Variants in AUTS2 observed in about 807,000 individuals in gnomAD.
The protein encoded by AUTS2 is autism susceptibility gene 2 protein.
Under a neutral mutation model 112.4 loss-of-function variants are expected in AUTS2, and 17 were observed. The ratio of observed to expected loss-of-function variants is 0.15; its 90% CI spans 0.10 to 0.23. The LOEUF (loss-of-function observed/expected upper bound fraction) is 0.23, where lower values mean the gene tolerates loss of function less well. Ranked by LOEUF, AUTS2 falls within the 10% of genes least tolerant of loss-of-function variation. The pLI, the probability that AUTS2 is intolerant of heterozygous loss-of-function variation, is 1.00. For synonymous variants in AUTS2, 751 were observed against 702.7 expected (o/e 1.07, Z -1.09); for missense variants, 1,510 against 1,701.6 (o/e 0.89, Z 1.98).
chr7:70,621,689 T>C (rs896825367), intron 5 of AUTS2, among the ~76,000 whole-genome samples: 1 of 152,084 alleles, frequency 6.6e-6, no homozygotes, highest in South Asian at 2.1e-4. Context: ...AAACTGATGA[T>C]CATGTCTGAA....
intron 4 of AUTS2, among the ~76,000 whole-genome samples, chr7:70,303,761 G>C (rs78402551): frequency 6.6e-6 from 1 of 152,060 alleles, no homozygotes; most frequent in African/African-American, 2.4e-5. Context: ...TGCTAGAAGG[G>C]TTTTACTGGT....
chr7:69,664,961 A>G (rs548625640), intron 1 of AUTS2, among the ~76,000 whole-genome samples: 113 of 152,298 alleles, frequency 7.4e-4, no homozygotes, highest in African/African-American at 2.6e-3. Flanking sequence ...AATCAAAGGG[A>G]AGAAAGAGAA....
At chr7:70,463,032 A>G (rs1006445580) in intron 5 of AUTS2, among the ~76,000 whole-genome samples, 20 of 152,024 alleles carry the variant, frequency 1.3e-4, no homozygotes, top group African/African-American at 4.8e-4. Context: ...CTGAGCCTAA[A>G]TTTTGATTGG....
intron 5 of AUTS2, among the ~76,000 whole-genome samples, chr7:70,609,050 A>G (rs937779848): frequency 6.6e-6 from 1 of 152,240 alleles, no homozygotes; most frequent in Non-Finnish European, 1.5e-5. Flanking sequence ...GCTAATTAAC[A>G]TACGTATGAC....
chr7:69,803,479 C>T (rs1414329992), intron 1 of AUTS2, among the ~76,000 whole-genome samples: 1 of 151,744 alleles, frequency 6.6e-6, no homozygotes, highest in African/African-American at 2.4e-5. Context: ...CCTCTGTTTC[C>T]TGTAAACACC....
intron 1 of AUTS2, among the ~76,000 whole-genome samples, chr7:69,862,274 A>AT (rs1449895693): frequency 6.6e-6 from 1 of 152,174 alleles, no homozygotes; most frequent in Non-Finnish European, 1.5e-5. Context: ...CATGTCAAAA[A>AT]TTTTACTTAT....
At chr7:69,869,702 G>A (rs1793396282) in intron 1 of AUTS2, among the ~76,000 whole-genome samples, 1 of 152,142 alleles carries the variant, frequency 6.6e-6, no homozygotes, top group African/African-American at 2.4e-5. Flanking sequence ...GATGGGGTAA[G>A]GAGGCTAAAA....
chr7:70,524,276 A>C (rs1466693871), intron 5 of AUTS2, among the ~76,000 whole-genome samples: 1 of 152,196 alleles, frequency 6.6e-6, no homozygotes, highest in African/African-American at 2.4e-5. Context: ...TATTTCCTCA[A>C]AGCCTGGGGG....
intron 4 of AUTS2, among the ~76,000 whole-genome samples, chr7:70,179,298 G>C (rs1562767265): frequency 6.6e-6 from 1 of 152,056 alleles, no homozygotes; most frequent in Non-Finnish European, 1.5e-5. Context: ...TTTGTTTTTA[G>C]TGGTTTATTT....
At chr7:69,738,052 A>C (rs1787109234) in intron 1 of AUTS2, among the ~76,000 whole-genome samples, 1 of 151,798 alleles carries the variant, frequency 6.6e-6, no homozygotes, top group Non-Finnish European at 1.5e-5. Context: ...GGTTCTTTGC[A>C]GAGAAGGGGA....
intron 2 of AUTS2, among the ~76,000 whole-genome samples, chr7:69,919,980 C>T (rs947116267): frequency 6.2e-4 from 88 of 143,076 alleles, no homozygotes; most frequent in African/African-American, 2.0e-3. Flanking sequence ...GATTGAAAAA[C>T]GTAAATGAAG....
chr7:70,426,267 C>G (rs554134849), intron 4 of AUTS2, among the ~76,000 whole-genome samples: 19 of 152,084 alleles, frequency 1.2e-4, no homozygotes, highest in Non-Finnish European at 2.5e-4. Flanking sequence ...GAACATAGAC[C>G]AGCTTGAACC....
At chr7:69,858,272 G>C (rs914570959) in intron 1 of AUTS2, among the ~76,000 whole-genome samples, 1 of 152,200 alleles carries the variant, frequency 6.6e-6, no homozygotes, top group East Asian at 1.9e-4. Context: ...GGTTTCAGGA[G>C]AATCACCTGG....
chr7:70,258,076 GCT>G (rs1448094184), intron 4 of AUTS2, among the ~76,000 whole-genome samples: 1 of 152,176 alleles, frequency 6.6e-6, no homozygotes, highest in Non-Finnish European at 1.5e-5. Context: ...TACATATTCT[GCT>G]CTAATTTGAC....
chr7:70,391,783 C>G (rs1262838350), intron 4 of AUTS2, among the ~76,000 whole-genome samples: 1 of 152,162 alleles, frequency 6.6e-6, no homozygotes, highest in Non-Finnish European at 1.5e-5. Context: ...AGCAAACTTG[C>G]ATTCTCTCTG....
intron 1 of AUTS2, among the ~76,000 whole-genome samples, chr7:69,737,569 C>T (rs965563755): frequency 1.3e-5 from 2 of 152,044 alleles, no homozygotes; most frequent in African/African-American, 4.8e-5. Context: ...GCATCAGTTG[C>T]AAAAGTAGAT....
intron 1 of AUTS2, among the ~76,000 whole-genome samples, chr7:69,743,859 C>T (rs781595792): frequency 1.1e-4 from 17 of 152,082 alleles, no homozygotes; most frequent in African/African-American, 2.2e-4. Context: ...TACAGTAGAA[C>T]GATCATAGCT....
At chr7:70,658,606 G>T (rs180864726) in intron 5 of AUTS2, among the ~76,000 whole-genome samples, 10 of 152,328 alleles carry the variant, frequency 6.6e-5, no homozygotes, top group African/African-American at 2.4e-4. Flanking sequence ...TTTCAGCGTT[G>T]TCCTATAGGA....
chr7:69,832,681 T>C (rs1027820164), intron 1 of AUTS2, among the ~76,000 whole-genome samples: 3 of 152,186 alleles, frequency 2.0e-5, no homozygotes, highest in Non-Finnish European at 4.4e-5. Flanking sequence ...TACAGACCTA[T>C]TTAGGAAATC....
Sources: gnomAD v4.1 joint callset for allele counts (sites outside exome capture counted in the v4.1 genomes callset) on GRCh38, gnomAD v4.1.1 for gene constraint, MANE v1.5 for transcripts, NCBI Gene and HGNC (gene_info 2026-07-23, HGNC 2026-07-21) for gene names.